VWA5B2: variants seen among roughly 807,000 people sequenced by gnomAD.
VWA5B2 encodes von Willebrand factor A domain containing 5B2.
In VWA5B2, 93 loss-of-function variants were observed where a neutral mutation model predicts 118.5. The observed-to-expected ratio is 0.79, with a 90% CI of 0.66 to 0.93. VWA5B2 has a LOEUF of 0.93. Among genes scored for constraint, VWA5B2 ranks in the 40% least tolerant of loss-of-function variants. The pLI, the probability that VWA5B2 is intolerant of heterozygous loss-of-function variation, is 0.00. For synonymous variants in VWA5B2, 708 were observed against 716.3 expected (o/e 0.99, Z 0.19); for missense variants, 1,546 against 1,672.8 (o/e 0.92, Z 1.32).
rs775309926 is a variant in VWA5B2, at chr3:184,241,440, G to C, written c.3180+36G>C. On this transcript the variant is annotated intron_variant, in intron 19 of 19. Coordinates refer to ENST00000691901, the MANE Select transcript of VWA5B2 (RefSeq NM_001390846.1). The surrounding 1 kb of genome is among the most constrained non-coding windows in gnomAD (Gnocchi z 5.1). ...GGGAGGTGGAGGGTGGTGCCGCCGG[G>C]GCCGGGCGCTGTTTCAGCTCGCTTC... 3 of 1,567,818 alleles carry C rather than the reference G, an allele frequency of 1.9e-6. No individual in the cohort carries two copies. The highest frequency in any genetic ancestry group is 2.6e-6 in the Non-Finnish European group (3 of 1,155,046).
At chr3:184,235,377 G>A (rs1226380598) in intron 8 of VWA5B2, 69 bp downstream of exon 8, 38 of 1,493,414 alleles carry the variant, frequency 2.5e-5, no homozygotes, top group Non-Finnish European at 3.3e-5. Flanking sequence ...AGGGCTGGGG[G>A]CAGCCTCTTG....
At chr3:184,230,976 C>A in intron 3 of VWA5B2, 59 bp downstream of exon 3, 1 of 1,206,556 alleles carries the variant, frequency 8.3e-7, no homozygotes, top group South Asian at 4.2e-5. Flanking sequence ...CAGGCTCCCG[C>A]ATCCGCTCGG....
chr3:184,233,568 C>T lies in VWA5B2; in HGVS notation c.531-8C>T, dbSNP rs758092916. ...TGGCCCAGTGACCCTCCTCATGCTC[C>T]CTTCCAGCCCCACCAGCTGCTTCGG... On this transcript the variant is annotated splice_region_variant and splice_polypyrimidine_tract_variant and intron_variant, in intron 4 of 19. Coordinates refer to ENST00000691901, the MANE Select transcript of VWA5B2 (RefSeq NM_001390846.1). This position sits in a 1 kb window ranked among gnomAD's most constrained non-coding sequence, Gnocchi z 5.2. 6.5e-7 allele frequency: 1 copy of T among 1,549,074 alleles called. No homozygotes were observed.
At position 184,241,050 on chromosome 3, in the gene VWA5B2, C is replaced by A. The variant is rs760424488; in HGVS notation, c.2905C>A (p.Pro969Thr). The A allele has an allele frequency of 1.4e-5, 22 of 1,551,638 alleles. No individual in the cohort carries two copies. In the African/African-American group the frequency reaches 2.9e-4, roughly 20 times the overall value. ...GCCCGCTGAGCCCCCAGGAACCCCT[C>A]CTGCCTCTCACAGCCATCTAGATGC... ...SEPAEPPGTP[P>T]ASHSHLDAAP... The change falls in exon 18 of 20, where the codon CCT becomes ACT. Residue 969 changes from proline (P) to threonine (T), a missense_variant. Pro to Thr is a conservative substitution (Grantham distance 38, BLOSUM62 -1). Around this residue, in one of 3 missense-constraint regions of VWA5B2, gnomAD observed 763 missense variants for 766.6 expected, o/e 1.00. Coordinates refer to ENST00000691901, the MANE Select transcript of VWA5B2 (RefSeq NM_001390846.1). This position sits in a 1 kb window ranked among gnomAD's most constrained non-coding sequence, Gnocchi z 5.1.
At position 184,234,708 on chromosome 3, in the gene VWA5B2, C is replaced by G; in HGVS notation, c.898C>G (p.Arg300Gly). 1.9e-6 allele frequency: 3 copies of G among 1,551,472 alleles called. No individual in the cohort carries two copies. The highest frequency in any genetic ancestry group is 2.6e-6 in the Non-Finnish European group (3 of 1,147,002). The change falls in exon 7 of 20, where the codon CGA (arginine) becomes GGA (glycine). Residue 300 changes from arginine (R) to glycine (G), a missense_variant. Around this residue, in one of 3 missense-constraint regions of VWA5B2, gnomAD observed 775 missense variants for 882.3 expected, o/e 0.88. Coordinates refer to ENST00000691901, the MANE Select transcript of VWA5B2 (RefSeq NM_001390846.1). ...ATATGAGGCCCGGGTGAGGGCCCGC[C>G]GAGATTTTCAGAGGCTACAGCGAAG... ...AEYEARVRAR[R>G]DFQRLQRRDS...
At position 184,239,982 on chromosome 3, in the gene VWA5B2, C is replaced by T. The variant is rs58721077; in HGVS notation, c.2686C>T (p.Arg896Trp). The T allele has an allele frequency of 4.7e-4, 731 of 1,550,452 alleles. 4 individuals are homozygous for T. In the African/African-American group the frequency reaches 8.6e-3, roughly 18 times the overall value. ...LHRLTAASVV[R>W]DNEQLALRGG... ...TCGGCTGACAGCAGCCTCTGTGGTC[C>T]GGGACAATGAGCAGCTGGCCCTCCG... Residue 896 changes from arginine to tryptophan, a missense_variant, in exon 16 of 20, where the codon CGG becomes TGG. Coordinates refer to ENST00000691901, the MANE Select transcript of VWA5B2 (RefSeq NM_001390846.1). The surrounding 1 kb of genome is among the most constrained non-coding windows in gnomAD (Gnocchi z 5.1).
rs960407943 is a variant in VWA5B2, at chr3:184,230,317, G to A, written c.-149-63G>A. ...GCCCGGCTGCCCAGGTAACGCGTGAGGATGCCCTCCTCGCCACCACGCCTG... is the reference window on the plus strand; with the variant it reads ...GCCCGGCTGCCCAGGTAACGCGTGAAGATGCCCTCCTCGCCACCACGCCTG... On this transcript the variant is annotated intron_variant, in intron 1 of 19. Coordinates refer to ENST00000691901, the MANE Select transcript of VWA5B2 (RefSeq NM_001390846.1). 13 of 519,850 alleles carry A rather than the reference G, an allele frequency of 2.5e-5. No individual in the cohort carries two copies. In the African/African-American group the frequency reaches 2.6e-4, roughly 11 times the overall value. The allele number at this position is 519,850 out of a possible 1,614,324, so 32.2% of individuals were successfully genotyped here.
Position 184,241,867 on chromosome 3 carries a change from G to C in VWA5B2, c.3558G>C (p.Glu1186Asp). Residue 1186 changes from glutamate (E) to aspartate (D), a missense_variant, in exon 20 of 20, where the codon GAG (glutamate) becomes GAC (aspartate). By Grantham distance (45) the Glu-to-Asp change is conservative. Around this residue, in one of 3 missense-constraint regions of VWA5B2, gnomAD observed 763 missense variants for 766.6 expected, o/e 1.00. Coordinates refer to ENST00000691901, the MANE Select transcript of VWA5B2 (RefSeq NM_001390846.1). This position sits in a 1 kb window ranked among gnomAD's most constrained non-coding sequence, Gnocchi z 5.1. The part of the protein sequence containing the change: ...LEHRCAAAFD[E>D]WELTAAKADC... ...ACCGATGCGCCGCTGCCTTCGACGA[G>C]TGGGAACTGACAGCGGCCAAGGCTG... The C allele has an allele frequency of 6.5e-7, 1 of 1,545,620 alleles. No homozygotes were observed. The highest frequency in any genetic ancestry group is 2.4e-5 in the East Asian group (1 of 40,906).
At chr3:184,229,889 C>G (rs1717194292) in intron 1 of VWA5B2, among the ~76,000 whole-genome samples, 176 bp downstream of exon 1, 1 of 152,198 alleles carries the variant, frequency 6.6e-6, no homozygotes, top group African/African-American at 2.4e-5. Context: ...CTCTCCCGGG[C>G]TTGCCTCCCA....
chr3:184,230,243 G>C (rs1162531965), intron 1 of VWA5B2, among the ~76,000 whole-genome samples, 137 bp from the exon 2 acceptor site: 1 of 152,158 alleles, frequency 6.6e-6, no homozygotes, highest in African/African-American at 2.4e-5. Context: ...GGGGAGCCGC[G>C]GCGGGACTGC....
intron 16 of VWA5B2, chr3:184,240,580 G>C: frequency 3.1e-6 from 2 of 645,862 alleles, no homozygotes; most frequent in South Asian, 2.3e-5. Flanking sequence ...TGGGCAGCCA[G>C]GGGGCTCTTG....
chr3:184,229,795 A>C (rs1474455915), intron 1 of VWA5B2, among the ~76,000 whole-genome samples, 82 bp downstream of exon 1: 1 of 152,056 alleles, frequency 6.6e-6, no homozygotes, highest in Non-Finnish European at 1.5e-5. Context: ...CGGCCACTGC[A>C]GGTGCCCCCT....
In VWA5B2 at chr3:184,233,520, G is replaced by A. The variant is rs756818203; in HGVS notation, c.531-56G>A. 207 of 1,526,470 alleles carry A rather than the reference G, an allele frequency of 1.4e-4. 1 individual carries two copies. Among genetic ancestry groups the A allele is most frequent in the Non-Finnish European group, 1.6e-4 (186 of 1,133,906 alleles). 94.6% of individuals were successfully genotyped at this position (1,526,470 alleles called of 1,614,324 possible). A position where few individuals can be genotyped will look rare whatever the true frequency, so the allele number is the denominator to read the frequency against. Reference sequence around the variant, plus strand: ...GAGGAAGGGCTGGGGCCAGTCAGCCGGAGGGTTTAGGGGCCTTCACAGTGG... The same window carrying A: ...GAGGAAGGGCTGGGGCCAGTCAGCCAGAGGGTTTAGGGGCCTTCACAGTGG... On this transcript the variant is annotated intron_variant, in intron 4 of 19. Transcript: ENST00000691901. The surrounding 1 kb of genome is among the most constrained non-coding windows in gnomAD (Gnocchi z 5.2).
In VWA5B2 at chr3:184,242,080, A is replaced by G; in HGVS notation, c.*42A>G. The G allele has an allele frequency of 6.5e-7, 1 of 1,539,698 alleles. No individual in the cohort carries two copies. Among genetic ancestry groups the G allele is most frequent in the Non-Finnish European group, 8.7e-7 (1 of 1,145,190 alleles). The stretch of plus-strand genomic sequence containing the variant: ...CTTGGGCTGGCGCCCCACCCAACAC[A>G]CTCAAGTCACTGCCGCCCAGGGCTG... On this transcript the variant is annotated 3_prime_UTR_variant, in exon 20 of 20. Transcript: ENST00000691901.
Position 184,233,682 on chromosome 3 carries a change from C to G in VWA5B2, c.637C>G (p.Pro213Ala), listed in dbSNP as rs1468941291. ...CTCAGGCCCTGCCCGCTGCCCTGCC[C>G]CATATACCTTCTCCTTCGAGATGCT... is the stretch of plus-strand genomic sequence containing the variant. ...VFSGPARCPA[P>A]YTFSFEMLVT... Residue 213 changes from proline to alanine, a missense_variant, in exon 5 of 20, where the codon CCA becomes GCA. This residue lies in a region of VWA5B2 where 775 missense variants were observed against 882.3 expected (regional missense o/e 0.88). Transcript: ENST00000691901. The surrounding 1 kb of genome is among the most constrained non-coding windows in gnomAD (Gnocchi z 5.2). 6.4e-7 allele frequency: 1 copy of G among 1,551,338 alleles called. No individual in the cohort carries two copies. The highest frequency in any genetic ancestry group is 8.7e-7 in the Non-Finnish European group (1 of 1,147,008).
rs1361212239 is a variant in VWA5B2 at position 184,240,936 on chromosome 3, C to T, written c.2878+8C>T. On this transcript the variant is annotated splice_region_variant and intron_variant, in intron 17 of 19. Coordinates refer to ENST00000691901, the MANE Select transcript of VWA5B2 (RefSeq NM_001390846.1). Reference sequence around the variant, plus strand: ...TGCAGGTGTGCAGCTCAGGTAGGGGCCTCTTCTGGTGACCTCTCAGGTGCA... The same window carrying T: ...TGCAGGTGTGCAGCTCAGGTAGGGGTCTCTTCTGGTGACCTCTCAGGTGCA... The T allele has an allele frequency of 1.3e-6, 2 of 1,551,560 alleles. No individual in the cohort carries two copies. Among genetic ancestry groups the T allele is most frequent in the Admixed American group, 3.9e-5 (2 of 50,996 alleles).
At chr3:184,234,880 G>A (rs1717809026) in intron 7 of VWA5B2, 125 bp downstream of exon 7, 2 of 1,394,494 alleles carry the variant, frequency 1.4e-6, no homozygotes, top group African/African-American at 1.5e-5. Context: ...TCTCTCCACA[G>A]CTGCCACCAA....
At chr3:184,240,534 T>C in intron 16 of VWA5B2, 1 of 534,034 alleles carries the variant, frequency 1.9e-6, no homozygotes, top group Non-Finnish European at 3.3e-6. Context: ...TGCCAGCTAA[T>C]GCTTCCTCTG....
rs1443986356 is a variant in VWA5B2 at position 184,238,887 on chromosome 3, C to G, written c.2202+14C>G. The G allele has an allele frequency of 4.1e-6, 6 of 1,473,460 alleles. No homozygotes were observed. The highest frequency in any genetic ancestry group is 5.4e-6 in the Non-Finnish European group (6 of 1,105,700). 91.3% of individuals were successfully genotyped at this position (1,473,460 alleles called of 1,614,324 possible). ...GCTCCATTCAAGGTGAGATCCAACC[C>G]ACATTCATTCGCCTTGTATCCAGCA... On this transcript the variant is annotated intron_variant, in intron 14 of 19. Transcript: ENST00000691901. This position sits in a 1 kb window ranked among gnomAD's most constrained non-coding sequence, Gnocchi z 5.0.
Sources: allele counts gnomAD v4.1 joint callset (sites outside exome capture counted in the v4.1 genomes callset), GRCh38; gene constraint gnomAD v4.1.1; regional missense constraint gnomAD v4.1.1; non-coding constraint Gnocchi (gnomAD v3.1); transcripts MANE v1.5; gene names NCBI Gene and HGNC (gene_info 2026-07-23, HGNC 2026-07-21).